The following CSMD1 variants were observed in gnomAD, a reference collection of about 807,000 sequenced individuals.
The protein encoded by CSMD1 is CUB and Sushi multiple domains 1, also known as CUB and sushi domain-containing protein 1.
In CSMD1, 213 loss-of-function variants were observed where a neutral mutation model predicts 417.5. That is an observed-to-expected ratio of 0.51 (90% CI 0.46 to 0.57). CSMD1 has a LOEUF of 0.57. CSMD1 is among the 20% of genes least tolerant of loss of function. The pLI, the probability that CSMD1 is intolerant of heterozygous loss-of-function variation, is 0.00. For synonymous variants in CSMD1, 2,862 were observed against 1,736.8 expected (o/e 1.65, Z -16.11); for missense variants, 6,923 against 4,529.7 (o/e 1.53, Z -15.17).
intron 1 of CSMD1, among the ~76,000 whole-genome samples, chr8:4,640,011 G>A (rs951962711): frequency 6.6e-6 from 1 of 152,110 alleles, no homozygotes; most frequent in African/African-American, 2.4e-5. Context: ...TCAAAAAAAG[G>A]GAAGACTTGA....
intron 2 of CSMD1, among the ~76,000 whole-genome samples, chr8:4,454,549 C>T (rs540382818): frequency 6.6e-6 from 1 of 152,168 alleles, no homozygotes; most frequent in East Asian, 1.9e-4. Context: ...TAATACAGAG[C>T]ACCTTTGCAC....
intron 1 of CSMD1, among the ~76,000 whole-genome samples, chr8:4,799,200 A>G (rs1798147282): frequency 6.6e-6 from 1 of 152,226 alleles, no homozygotes; most frequent in Admixed American, 6.5e-5. Context: ...GGGAATAAGA[A>G]AAAATGTTTT....
intron 51 of CSMD1, among the ~76,000 whole-genome samples, chr8:3,028,174 G>T (rs1008339315): frequency 1.3e-5 from 2 of 152,184 alleles, no homozygotes; most frequent in African/African-American, 2.4e-5. Context: ...TCCTATTTCT[G>T]GTTTGAAATC....
At chr8:4,295,160 AT>A in intron 3 of CSMD1, among the ~76,000 whole-genome samples, 1 of 144,946 alleles carries the variant, frequency 6.9e-6, no homozygotes, top group Non-Finnish European at 1.5e-5. Flanking sequence ...TTACGCACAT[AT>A]AATCTTAAGA....
chr8:4,489,352 T>C (rs1455089905), intron 2 of CSMD1, among the ~76,000 whole-genome samples: 1 of 152,214 alleles, frequency 6.6e-6, no homozygotes, highest in African/African-American at 2.4e-5. Context: ...TTGCTGTTGT[T>C]TGCTTACACA....
chr8:4,982,420 A>T (rs892314342), intron 1 of CSMD1, among the ~76,000 whole-genome samples: 3 of 152,190 alleles, frequency 2.0e-5, no homozygotes, highest in Non-Finnish European at 4.4e-5. Flanking sequence ...CTATAAAATT[A>T]TCTTGCTACA....
chr8:4,310,661 A>C (rs73504635), intron 3 of CSMD1, among the ~76,000 whole-genome samples: 4,675 of 152,246 alleles, frequency 0.031, 239 homozygotes, highest in African/African-American at 0.11. Context: ...AGACTATAAA[A>C]TTTAGGGGTG....
At chr8:4,312,033 T>G (rs1263272040) in intron 3 of CSMD1, among the ~76,000 whole-genome samples, 1 of 152,178 alleles carries the variant, frequency 6.6e-6, no homozygotes, top group African/African-American at 2.4e-5. Context: ...TTATAGTGTG[T>G]TGAAATCATT....
intron 5 of CSMD1, among the ~76,000 whole-genome samples, chr8:3,822,614 G>GT (rs765534460): frequency 5.9e-5 from 9 of 152,080 alleles, no homozygotes; most frequent in Non-Finnish European, 1.3e-4. Flanking sequence ...ACCACCTTCT[G>GT]TCACCCGCTA....
chr8:4,452,554 C>G (rs1799212102), intron 2 of CSMD1, among the ~76,000 whole-genome samples: 1 of 152,006 alleles, frequency 6.6e-6, no homozygotes. Flanking sequence ...TCACTTTTTC[C>G]AATCATTTTT....
chr8:4,002,451 AGTTT>A (rs1274194843), intron 4 of CSMD1, among the ~76,000 whole-genome samples: 2 of 152,218 alleles, frequency 1.3e-5, no homozygotes, highest in Admixed American at 6.5e-5. Flanking sequence ...AAAATAAATC[AGTTT>A]GTTTCCTCTT....
intron 3 of CSMD1, among the ~76,000 whole-genome samples, chr8:4,214,621 A>C (rs148259075): frequency 2.2e-4 from 33 of 152,252 alleles, no homozygotes; most frequent in Admixed American, 1.8e-3. Flanking sequence ...TTTTGAACAG[A>C]AACACTGAGT....
chr8:3,006,460 A>G (rs1289853416), intron 52 of CSMD1, among the ~76,000 whole-genome samples: 8 of 152,114 alleles, frequency 5.3e-5, no homozygotes, highest in Non-Finnish European at 7.3e-5. Context: ...AGCCCGAATC[A>G]CCAAGTCAAT....
chr8:4,378,746 T>C (rs1802911845), intron 3 of CSMD1, among the ~76,000 whole-genome samples: 2 of 152,188 alleles, frequency 1.3e-5, no homozygotes, highest in Admixed American at 6.5e-5. Flanking sequence ...TGGGAGATTA[T>C]GAGGTTATGA....
chr8:4,511,414 A>G (rs1380673566), intron 2 of CSMD1, among the ~76,000 whole-genome samples: 1 of 152,098 alleles, frequency 6.6e-6, no homozygotes, highest in African/African-American at 2.4e-5. Flanking sequence ...GCTGGTTTCT[A>G]TTTTCTGGTT....
At chr8:3,606,276 T>C (rs1315188761) in intron 8 of CSMD1, among the ~76,000 whole-genome samples, 1 of 151,992 alleles carries the variant, frequency 6.6e-6, no homozygotes, top group Non-Finnish European at 1.5e-5. Flanking sequence ...TGTGCGAACA[T>C]CACAGAGGGC....
chr8:4,740,973 T>A (rs868094669), intron 1 of CSMD1, among the ~76,000 whole-genome samples: 5 of 152,196 alleles, frequency 3.3e-5, no homozygotes, highest in Admixed American at 6.5e-5. Flanking sequence ...TTATTTCTTA[T>A]AATAAAAATT....
intron 2 of CSMD1, among the ~76,000 whole-genome samples, chr8:4,462,389 G>C (rs910590529): frequency 2.0e-5 from 3 of 152,008 alleles, no homozygotes; most frequent in Admixed American, 1.3e-4. Context: ...TGAATCAGAA[G>C]ACTTAATATA....
chr8:4,847,860 T>C (rs1801237524), intron 1 of CSMD1, among the ~76,000 whole-genome samples: 2 of 152,002 alleles, frequency 1.3e-5, no homozygotes, highest in South Asian at 4.2e-4. Context: ...TGTTTCATTA[T>C]ATTCCCAGAT....
Sources: gnomAD v4.1 joint callset for allele counts (sites outside exome capture counted in the v4.1 genomes callset) on GRCh38, gnomAD v4.1.1 for gene constraint, MANE v1.5 for transcripts, NCBI Gene and HGNC (gene_info 2026-07-23, HGNC 2026-07-21) for gene names.